The following CCDC85A variants were observed in gnomAD, a reference collection of about 807,000 sequenced individuals.
The protein encoded by CCDC85A is coiled-coil domain containing 85A, also known as coiled-coil domain-containing protein 85A.
Under a neutral mutation model 50.2 loss-of-function variants are expected in CCDC85A, and 38 were observed. That is an observed-to-expected ratio of 0.76 (90% CI 0.58 to 0.99). CCDC85A has a LOEUF of 0.99. Among genes scored for constraint, CCDC85A ranks in the 50% least tolerant of loss-of-function variants. The pLI is 0.00. For synonymous variants in CCDC85A, 366 were observed against 301.4 expected, an observed-to-expected ratio of 1.21 and a Z score of -2.22; for missense variants, 820 against 742.0, an observed-to-expected ratio of 1.11 and a Z score of -1.22.
At chr2:56,209,566 T>C (rs1677103606) in intron 2 of CCDC85A, among the ~76,000 whole-genome samples, 1 of 152,022 alleles carries the variant, frequency 6.6e-6, no homozygotes, top group African/African-American at 2.4e-5. Flanking sequence ...TGGACTATAA[T>C]GAGCTAGTTG....
intron 2 of CCDC85A, among the ~76,000 whole-genome samples, chr2:56,307,083 C>T (rs1347633448): frequency 6.6e-6 from 1 of 152,080 alleles, no homozygotes; most frequent in Non-Finnish European, 1.5e-5. Context: ...CAGCCCAAAT[C>T]AGAAAAATCT....
intron 5 of CCDC85A, chr2:56,379,898 A>G: frequency 1.6e-5 from 9 of 551,924 alleles, no homozygotes; most frequent in East Asian, 1.5e-4. Context: ...GCCACATCGT[A>G]GCTTAGCTAT....
chr2:56,188,482 G>A (rs1676146835), intron 1 of CCDC85A, among the ~76,000 whole-genome samples: 1 of 152,198 alleles, frequency 6.6e-6, no homozygotes, highest in Admixed American at 6.5e-5. Context: ...CAGCTCTAGA[G>A]AAATCAGAAG....
chr2:56,198,291 C>G (rs1345741330), intron 2 of CCDC85A, among the ~76,000 whole-genome samples: 1 of 152,146 alleles, frequency 6.6e-6, no homozygotes, highest in African/African-American at 2.4e-5. Context: ...TGAATTTGGA[C>G]AATAGAAATT....
intron 3 of CCDC85A, among the ~76,000 whole-genome samples, chr2:56,344,120 C>G (rs1279181289): frequency 6.6e-6 from 1 of 152,146 alleles, no homozygotes; most frequent in East Asian, 1.9e-4. Context: ...AAGTGGATGC[C>G]TGAAACCACG....
intron 2 of CCDC85A, among the ~76,000 whole-genome samples, chr2:56,203,373 T>A (rs1573017905): frequency 6.6e-6 from 1 of 152,094 alleles, no homozygotes; most frequent in African/African-American, 2.4e-5. Context: ...GTGTTTTTTT[T>A]TTTTCTGTAT....
intron 2 of CCDC85A, among the ~76,000 whole-genome samples, chr2:56,221,985 G>T (rs778446810): frequency 3.9e-5 from 6 of 151,922 alleles, no homozygotes; most frequent in Non-Finnish European, 8.8e-5. Flanking sequence ...GAGGAAATTG[G>T]GCCAAACTGC....
At chr2:56,252,171 C>G (rs558153855) in intron 2 of CCDC85A, among the ~76,000 whole-genome samples, 1 of 151,838 alleles carries the variant, frequency 6.6e-6, no homozygotes, top group Non-Finnish European at 1.5e-5. Context: ...CTCAGCCTCC[C>G]GAGTAGCTGG....
rs186525009 is a variant in CCDC85A at position 56,222,668 on chromosome 2, A to G, written c.1240+29228A>G. On this transcript the variant is annotated intron_variant, in intron 2 of 5. Transcript: ENST00000407595. ...TTCTTGGCACAGAATATTCATGGGC[A>G]TATCAGACACGTTTTCCCACCCGTT... Among the ~76,000 whole-genome samples, 145 of 152,274 alleles carry G rather than the reference A, an allele frequency of 9.5e-4. 1 individual carries two copies. The highest frequency in any genetic ancestry group is 3.4e-3 in the African/African-American group (143 of 41,568).
In CCDC85A at chr2:56,375,863, C is replaced by G. The variant is rs775442534; in HGVS notation, c.1500C>G (p.Pro500=). The stretch of plus-strand genomic sequence containing the variant: ...GGGCTGATGGGAGTAACAGTTCACC[C>G]AACTCTGCAGCTAGCTTCAGTGGAC... The part of the protein sequence containing the change: ...SSGADGSNSS[P]NSAASFSGHA... The change falls in exon 5 of 6, where the codon CCC becomes CCG. Residue 500 remains proline, a synonymous_variant. Coordinates refer to ENST00000407595, the MANE Select transcript of CCDC85A (RefSeq NM_001080433.2). The G allele has an allele frequency of 9.9e-6, 16 of 1,613,734 alleles. No homozygotes were observed. The highest frequency in any genetic ancestry group is 1.4e-5 in the Non-Finnish European group (16 of 1,179,790).
Position 56,385,409 on chromosome 2 carries a change from G to A in CCDC85A, c.*1054G>A, listed in dbSNP as rs1013717901. 2 of 152,148 alleles carry A rather than the reference G, an allele frequency of 1.3e-5. No homozygotes were observed. Among genetic ancestry groups the A allele is most frequent in the Non-Finnish European group, 2.9e-5 (2 of 67,800 alleles). The allele number at this position is 152,148 out of a possible 1,614,324, so 9.4% of individuals were successfully genotyped here. ...TGAGGTTTGAAAAAGAGGTGTGCTA[G>A]CTTTGCTTAGTTTATTTCTTATTTT... On this transcript the variant is annotated 3_prime_UTR_variant, in exon 6 of 6. Transcript: ENST00000407595.
intron 1 of CCDC85A, among the ~76,000 whole-genome samples, chr2:56,188,891 A>C (rs557388036): frequency 6.6e-6 from 1 of 152,370 alleles, no homozygotes; most frequent in South Asian, 2.1e-4. Context: ...TTGCATATTC[A>C]AAGAAAGACT....
chr2:56,339,032 A>C (rs1056837367), intron 2 of CCDC85A, among the ~76,000 whole-genome samples: 4 of 152,336 alleles, frequency 2.6e-5, no homozygotes, highest in African/African-American at 7.2e-5. Flanking sequence ...ACAGGGGCTA[A>C]GAACCTGGAA....
At chr2:56,186,986 G>A (rs901976870) in intron 1 of CCDC85A, among the ~76,000 whole-genome samples, 5 of 152,120 alleles carry the variant, frequency 3.3e-5, no homozygotes, top group Admixed American at 6.5e-5. Flanking sequence ...TGTCATCCCT[G>A]GGCTGCTGCA....
intron 5 of CCDC85A, chr2:56,379,719 GA>G: frequency 2.4e-6 from 2 of 821,010 alleles, no homozygotes; most frequent in Non-Finnish European, 2.9e-6. Flanking sequence ...TTTTCCATGT[GA>G]AATTTGCTTT....
intron 2 of CCDC85A, among the ~76,000 whole-genome samples, chr2:56,209,165 A>G (rs1176831423): frequency 6.6e-6 from 1 of 152,132 alleles, no homozygotes; most frequent in Non-Finnish European, 1.5e-5. Context: ...GATAATTTGT[A>G]TCATAGCTCA....
At chr2:56,268,761 T>C (rs1300087543) in intron 2 of CCDC85A, among the ~76,000 whole-genome samples, 1 of 152,108 alleles carries the variant, frequency 6.6e-6, no homozygotes, top group Non-Finnish European at 1.5e-5. Context: ...TATTGTCCTT[T>C]ATTAAAAAAA....
At chr2:56,366,686 T>A (rs1388127681) in intron 3 of CCDC85A, among the ~76,000 whole-genome samples, 1 of 152,192 alleles carries the variant, frequency 6.6e-6, no homozygotes, top group Non-Finnish European at 1.5e-5. Context: ...GTTTTATTAA[T>A]CTTTTAATGG....
chr2:56,307,073 C>T (rs1163516489), intron 2 of CCDC85A, among the ~76,000 whole-genome samples: 1 of 152,122 alleles, frequency 6.6e-6, no homozygotes, highest in Non-Finnish European at 1.5e-5. Context: ...TCAGGAACTA[C>T]AGCCCAAATC....
Sources: allele counts gnomAD v4.1 joint callset (sites outside exome capture counted in the v4.1 genomes callset), GRCh38; gene constraint gnomAD v4.1.1; transcripts MANE v1.5; gene names NCBI Gene and HGNC (gene_info 2026-07-23, HGNC 2026-07-21).